Variants in KALRN observed in about 807,000 individuals in gnomAD.
KALRN encodes the protein kalirin.
A neutral mutation model predicts 353.7 loss-of-function variants in KALRN; 70 were observed. The observed-to-expected ratio is 0.20, with a 90% CI of 0.16 to 0.24. The LOEUF (loss-of-function observed/expected upper bound fraction) is 0.24. Among genes scored for constraint, KALRN ranks in the 10% least tolerant of loss-of-function variants. KALRN has a pLI of 1.00. For synonymous variants in KALRN, 1,391 were observed against 1,434.8 expected, an observed-to-expected ratio of 0.97 and a Z score of 0.69; for missense variants, 2,791 against 3,756.7, an observed-to-expected ratio of 0.74 and a Z score of 6.72.
rs563363907 is a variant in KALRN, at chr3:124,137,237, C to G, written c.74-90753C>G. ...TACGTGTACAACACTGTTCTAGATG[C>G]TGTAGGGCTGCCAAAAACTGGTTAA... On this transcript the variant is annotated intron_variant, in intron 1 of 59. Coordinates refer to ENST00000682506, the MANE Select transcript of KALRN (RefSeq NM_001388419.1). 5.9e-5 allele frequency among the ~76,000 whole-genome samples: 9 copies of G among 152,262 alleles called. No homozygotes were observed. In the East Asian group the frequency reaches 1.7e-3, roughly 29 times the overall value.
intron 3 of KALRN, among the ~76,000 whole-genome samples, chr3:124,248,272 A>C (rs1038991963): frequency 6.6e-6 from 1 of 152,216 alleles, no homozygotes; most frequent in Non-Finnish European, 1.5e-5. Flanking sequence ...CATACTCCTT[A>C]GGGCCAATGC....
chr3:124,402,604 A>C (rs747286446), intron 13 of KALRN, among the ~76,000 whole-genome samples: 7 of 152,216 alleles, frequency 4.6e-5, no homozygotes, highest in Non-Finnish European at 4.4e-5. Context: ...TAGAAGCAAG[A>C]ATAGGCCAGT....
chr3:124,105,084 A>T (rs759304295), intron 1 of KALRN, among the ~76,000 whole-genome samples: 12 of 152,156 alleles, frequency 7.9e-5, no homozygotes, highest in Admixed American at 6.5e-4. Flanking sequence ...ACTGGAGAAA[A>T]AGAAAATGGA....
intron 21 of KALRN, among the ~76,000 whole-genome samples, chr3:124,451,677 C>A (rs2058801468): frequency 1.3e-5 from 2 of 152,102 alleles, no homozygotes; most frequent in African/African-American, 4.8e-5. Context: ...TCTGAACCTC[C>A]CAGAAACCCA....
rs1369363716 is a variant in KALRN, at chr3:124,723,324, C to A, written c.*3854C>A. 1 of 152,194 alleles carries A rather than the reference C, an allele frequency of 6.6e-6. No homozygotes were observed. Among genetic ancestry groups the A allele is most frequent in the Non-Finnish European group, 1.5e-5 (1 of 68,024 alleles). The allele number at this position is 152,194 out of a possible 1,614,324, so 9.4% of individuals were successfully genotyped here. A position where few individuals can be genotyped will look rare whatever the true frequency, so the allele number is the denominator to read the frequency against. Reference sequence around the variant, plus strand: ...GGACCAGGAATGTTTGAGTTTCAATCTCAGCTATTCCTGATTCATCTTTTC... The same window carrying A: ...GGACCAGGAATGTTTGAGTTTCAATATCAGCTATTCCTGATTCATCTTTTC... On this transcript the variant is annotated 3_prime_UTR_variant, in exon 60 of 60. Transcript: ENST00000682506.
intron 33 of KALRN, among the ~76,000 whole-genome samples, chr3:124,522,256 A>G (rs2067224671): frequency 6.6e-6 from 1 of 151,944 alleles, no homozygotes; most frequent in African/African-American, 2.4e-5. Context: ...CTTCCTGAGA[A>G]AATGATGTAC....
chr3:124,518,931 C>A (rs745593568), intron 33 of KALRN: 13 of 998,896 alleles, frequency 1.3e-5, no homozygotes, highest in Non-Finnish European at 1.6e-5. Flanking sequence ...ACCCATCATT[C>A]TAATCTAGCT....
At chr3:124,693,569 C>T (rs997744984) in intron 51 of KALRN, among the ~76,000 whole-genome samples, 4 of 152,102 alleles carry the variant, frequency 2.6e-5, no homozygotes, top group Non-Finnish European at 5.9e-5. Flanking sequence ...TGGGGCCGCA[C>T]GCTGCCAGGC....
intron 17 of KALRN, among the ~76,000 whole-genome samples, chr3:124,434,760 G>A (rs1337969640): frequency 6.6e-6 from 1 of 152,222 alleles, no homozygotes; most frequent in African/African-American, 2.4e-5. Context: ...TCTATAGGGA[G>A]GTGTTGAAAT....
intron 1 of KALRN, among the ~76,000 whole-genome samples, chr3:124,128,409 A>C (rs1040099841): frequency 1.3e-5 from 2 of 152,236 alleles, no homozygotes; most frequent in African/African-American, 4.8e-5. Flanking sequence ...GATTTTCCGT[A>C]GAGACTATTG....
At chr3:124,258,676 A>G (rs140680923) in intron 3 of KALRN, among the ~76,000 whole-genome samples, 165 of 152,340 alleles carry the variant, frequency 1.1e-3, no homozygotes, top group African/African-American at 3.7e-3. Context: ...ACTATGTGCC[A>G]GGCACTGTGT....
chr3:124,257,686 C>T (rs1170822460), intron 3 of KALRN, among the ~76,000 whole-genome samples: 6 of 152,014 alleles, frequency 3.9e-5, no homozygotes, highest in Non-Finnish European at 8.8e-5. Flanking sequence ...GGACCCATGG[C>T]CCAGATGGGA....
intron 37 of KALRN, among the ~76,000 whole-genome samples, chr3:124,643,453 T>G (rs992317643): frequency 3.3e-5 from 5 of 152,200 alleles, no homozygotes; most frequent in Non-Finnish European, 7.3e-5. Context: ...TCATGCTTTT[T>G]GTCCAGAGAA....
intron 32 of KALRN, among the ~76,000 whole-genome samples, chr3:124,494,126 G>A (rs891063029): frequency 2.0e-5 from 3 of 152,148 alleles, no homozygotes; most frequent in Non-Finnish European, 4.4e-5. Flanking sequence ...AGGAGAGTTT[G>A]AGCATTTCCA....
At chr3:124,657,941 C>T (rs961280971) in intron 41 of KALRN, 138 bp downstream of exon 41, 1 of 666,634 alleles carries the variant, frequency 1.5e-6, no homozygotes, top group African/African-American at 1.8e-5. Flanking sequence ...GTGGCTTGAC[C>T]CCAGGAATTG....
chr3:124,692,702 A>C (rs1208861111), intron 51 of KALRN, among the ~76,000 whole-genome samples: 1 of 152,282 alleles, frequency 6.6e-6, no homozygotes, highest in African/African-American at 2.4e-5. Flanking sequence ...CATTGTGCTA[A>C]GCACTTGATG....
intron 5 of KALRN, among the ~76,000 whole-genome samples, chr3:124,272,791 T>G (rs2074303137): frequency 6.6e-6 from 1 of 152,204 alleles, no homozygotes; most frequent in Non-Finnish European, 1.5e-5. Context: ...GCTTTAAGAT[T>G]AATTTAAAAT....
At chr3:124,122,039 G>A (rs1313274217) in intron 1 of KALRN, among the ~76,000 whole-genome samples, 1 of 152,228 alleles carries the variant, frequency 6.6e-6, no homozygotes, top group Non-Finnish European at 1.5e-5. Flanking sequence ...AAGTCCCAGT[G>A]AGAGAATTTT....
chr3:124,085,245 T>C (rs1244377313), intron 1 of KALRN, among the ~76,000 whole-genome samples: 1 of 152,192 alleles, frequency 6.6e-6, no homozygotes, highest in Non-Finnish European at 1.5e-5. Context: ...TCTTTCCCCA[T>C]CCATCCTGTA....
Sources: gnomAD v4.1 joint callset for allele counts (sites outside exome capture counted in the v4.1 genomes callset) on GRCh38, gnomAD v4.1.1 for gene constraint, MANE v1.5 for transcripts, NCBI Gene and HGNC (gene_info 2026-07-23, HGNC 2026-07-21) for gene names.